Variants in KCNT2 observed in about 807,000 individuals in gnomAD.
KCNT2 encodes the protein potassium sodium-activated channel subfamily T member 2, also known as potassium channel subfamily T member 2.
Under a neutral mutation model 153.8 loss-of-function variants are expected in KCNT2, and 67 were observed. The observed-to-expected ratio is 0.44, with a 90% confidence interval of 0.36 to 0.53. KCNT2 has a LOEUF of 0.53. KCNT2 is among the 20% of genes least tolerant of loss of function. The pLI is 0.00. For synonymous variants in KCNT2, 500 were observed against 458.8 expected, an observed-to-expected ratio of 1.09 and a Z score of -1.15; for missense variants, 975 against 1,354.8, an observed-to-expected ratio of 0.72 and a Z score of 4.40.
chr1:196,300,475 C>A (rs934068580), intron 22 of KCNT2, among the ~76,000 whole-genome samples: 3 of 152,092 alleles, frequency 2.0e-5, no homozygotes, highest in Non-Finnish European at 4.4e-5. Flanking sequence ...ATTTAGCTGA[C>A]CTTCCACTGA....
intron 7 of KCNT2, 91 bp from the exon 8 acceptor site, chr1:196,465,478 A>G (rs1486338779): frequency 1.4e-6 from 1 of 740,634 alleles, no homozygotes; most frequent in Non-Finnish European, 2.5e-6. Context: ...TTTCATGTCA[A>G]CTCTCCTGTA....
intron 11 of KCNT2, 42 bp downstream of exon 11, chr1:196,425,810 C>A: frequency 1.2e-6 from 2 of 1,603,978 alleles, no homozygotes; most frequent in Non-Finnish European, 1.7e-6. Context: ...TATTAAGTCA[C>A]TCAAAACTGT....
At chr1:196,447,260 G>A (rs1234653938) in intron 8 of KCNT2, among the ~76,000 whole-genome samples, 1 of 151,600 alleles carries the variant, frequency 6.6e-6, no homozygotes, top group African/African-American at 2.4e-5. Context: ...AGCAGTTGGT[G>A]GTAGATGGTG....
chr1:196,525,104 T>G (rs1653995754), intron 1 of KCNT2, among the ~76,000 whole-genome samples: 2 of 152,228 alleles, frequency 1.3e-5, no homozygotes, highest in African/African-American at 2.4e-5. Flanking sequence ...CAAGGATAGC[T>G]AATATCACAA....
At chr1:196,377,350 A>C (rs894877759) in intron 13 of KCNT2, among the ~76,000 whole-genome samples, 2 of 151,930 alleles carry the variant, frequency 1.3e-5, no homozygotes, top group Admixed American at 6.6e-5. Context: ...GGTGGGGGGG[A>C]GAATTTCAAG....
intron 1 of KCNT2, among the ~76,000 whole-genome samples, chr1:196,502,275 T>G (rs547099350): frequency 6.6e-6 from 1 of 152,210 alleles, no homozygotes; most frequent in Non-Finnish European, 1.5e-5. Context: ...TCTAAGTCTT[T>G]TCATAATTAC....
intron 1 of KCNT2, among the ~76,000 whole-genome samples, chr1:196,551,217 C>T (rs1657853031): frequency 6.6e-6 from 1 of 151,780 alleles, no homozygotes; most frequent in East Asian, 1.9e-4. Context: ...TCTGTGACTT[C>T]TGTTGAATTG....
At chr1:196,338,859 T>G (rs1419264304) in intron 16 of KCNT2, among the ~76,000 whole-genome samples, 1 of 148,346 alleles carries the variant, frequency 6.7e-6, no homozygotes. Flanking sequence ...TAGAATTTGG[T>G]TAATGATGAG....
At chr1:196,563,171 C>A (rs1659644666) in intron 1 of KCNT2, among the ~76,000 whole-genome samples, 1 of 151,898 alleles carries the variant, frequency 6.6e-6, no homozygotes, top group South Asian at 2.1e-4. Context: ...GGAAATCAGG[C>A]CTTAGAAATA....
At chr1:196,494,159 T>G (rs1225396742) in intron 1 of KCNT2, among the ~76,000 whole-genome samples, 2 of 152,336 alleles carry the variant, frequency 1.3e-5, no homozygotes, top group African/African-American at 4.8e-5. Flanking sequence ...GTGTTTCCCT[T>G]GTTTATCAAA....
At chr1:196,553,232 A>G (rs1658187998) in intron 1 of KCNT2, among the ~76,000 whole-genome samples, 1 of 151,258 alleles carries the variant, frequency 6.6e-6, no homozygotes, top group Non-Finnish European at 1.5e-5. Flanking sequence ...AAGAGAAATC[A>G]AAAAAAGCAA....
chr1:196,277,600 A>T (rs1658690688), intron 25 of KCNT2, among the ~76,000 whole-genome samples: 1 of 152,156 alleles, frequency 6.6e-6, no homozygotes, highest in African/African-American at 2.4e-5. Context: ...TTGAGATCTG[A>T]CAGCAACCTA....
rs538487926 is a variant in KCNT2, at chr1:196,516,448, C to T, written c.96-24107G>A. Among the ~76,000 whole-genome samples, 3 of 152,102 alleles carry T rather than the reference C, an allele frequency of 2.0e-5. No individual in the cohort carries two copies. The East Asian group carries it at 5.8e-4, about 30-fold the overall frequency. On this transcript the variant is annotated intron_variant, in intron 1 of 27. Transcript: ENST00000294725. ...TCCATCAAGATCTACAACACCCCTGCTGGTGTTTTCCAGCTGGCAGCAGTC... is the reference window on the plus strand; with the variant it reads ...TCCATCAAGATCTACAACACCCCTGTTGGTGTTTTCCAGCTGGCAGCAGTC...
At chr1:196,515,841 T>C (rs1682002821) in intron 1 of KCNT2, among the ~76,000 whole-genome samples, 1 of 152,040 alleles carries the variant, frequency 6.6e-6, no homozygotes, top group Non-Finnish European at 1.5e-5. Context: ...CAGTGTAGCC[T>C]CCCCAACCCA....
At chr1:196,280,733 A>T in intron 25 of KCNT2, 127 bp downstream of exon 25, 1 of 885,702 alleles carries the variant, frequency 1.1e-6, no homozygotes, top group South Asian at 1.6e-5. Flanking sequence ...GAGATTTAAC[A>T]CTACGTATTC....
rs551262010 is a variant in KCNT2, at chr1:196,261,794, T to C, written c.2911-3300A>G. On this transcript the variant is annotated intron_variant, in intron 25 of 27. Transcript: ENST00000294725. ...CTTTTCCATGGAATAACTACAGAAC[T>C]CTGACTTTTCTATTGTAAGGCACAT... Among the ~76,000 whole-genome samples, 148 of 152,066 alleles carry C rather than the reference T, an allele frequency of 9.7e-4. 1 individual carries two copies. The highest frequency in any genetic ancestry group is 3.9e-3 in the Admixed American group (60 of 15,272).
At chr1:196,366,990 T>C (rs1280136661) in intron 14 of KCNT2, among the ~76,000 whole-genome samples, 1 of 152,164 alleles carries the variant, frequency 6.6e-6, no homozygotes, top group African/African-American at 2.4e-5. Flanking sequence ...GAGTCAACCA[T>C]TTCTGTCTGC....
intron 3 of KCNT2, among the ~76,000 whole-genome samples, chr1:196,487,450 GTC>G (rs1679522687): frequency 7.2e-6 from 1 of 138,542 alleles, no homozygotes; most frequent in African/African-American, 2.5e-5. Context: ...ATGTGTCTGT[GTC>G]TGTGTGTGTA....
At chr1:196,252,183 C>T (rs570561956) in intron 26 of KCNT2, among the ~76,000 whole-genome samples, 1 of 151,754 alleles carries the variant, frequency 6.6e-6, no homozygotes, top group Admixed American at 6.6e-5. Flanking sequence ...TTTATTTGCA[C>T]TATTGGCTAT....
Sources: allele counts gnomAD v4.1 joint callset (sites outside exome capture counted in the v4.1 genomes callset), GRCh38; gene constraint gnomAD v4.1.1; transcripts MANE v1.5; gene names NCBI Gene and HGNC (gene_info 2026-07-23, HGNC 2026-07-21).